Variants in EIF4ENIF1 observed in about 807,000 individuals in gnomAD.
EIF4ENIF1 encodes the protein eukaryotic translation initiation factor 4E nuclear import factor 1.
Under a neutral mutation model 110.5 loss-of-function variants are expected in EIF4ENIF1, and 23 were observed. That is an observed-to-expected ratio of 0.21 (90% CI 0.15 to 0.29). The LOEUF is 0.29. EIF4ENIF1 is among the 10% of genes least tolerant of loss of function. EIF4ENIF1 has a pLI of 1.00. For missense variants in EIF4ENIF1, 1,031 were observed against 1,221.1 expected, an observed-to-expected ratio of 0.84 and a Z score of 2.32; for synonymous variants, 440 against 437.0, an observed-to-expected ratio of 1.01 and a Z score of -0.09.
chr22:31,488,637 G>C lies in EIF4ENIF1; in HGVS notation c.82C>G (p.His28Asp), dbSNP rs1484356631. 6.2e-7 allele frequency: 1 copy of C among 1,613,948 alleles called. No homozygotes were observed. The highest frequency in any genetic ancestry group is 1.7e-5 in the Admixed American group (1 of 59,980). Residue 28 changes from histidine (H) to aspartate (D), a missense_variant, in exon 2 of 19, where the codon CAT becomes GAT. Transcript: ENST00000330125. The stretch of plus-strand genomic sequence containing the variant: ...GCAAACCTTACTTTTGTATAGCGAT[G>C]GGGGCATTTGGAGGCAGGAGGCTTC... Reference protein sequence around the residue: ...LKKPPASKCPHRYTKEELLDI... With the variant: ...LKKPPASKCPDRYTKEELLDI...
At position 31,478,969 on chromosome 22, in the gene EIF4ENIF1, G is replaced by C. The variant is rs1000968202; in HGVS notation, c.97-7052C>G. Among the ~76,000 whole-genome samples the C allele has an allele frequency of 8.2e-4, 109 of 132,250 alleles. 1 individual carries two copies. Among genetic ancestry groups the C allele is most frequent in the South Asian group, 3.1e-3 (13 of 4,130 alleles). 86.8% of individuals were successfully genotyped at this position (132,250 alleles called of 152,430 possible). ...TGTTTCAAAAAAAAAAAAAAAAAAA[G>C]TTTGCTCTCTTTACAACTGTCCACA... On this transcript the variant is annotated intron_variant, in intron 2 of 18. Coordinates refer to ENST00000330125, the MANE Select transcript of EIF4ENIF1 (RefSeq NM_019843.4).
At chr22:31,472,563 CG>C (rs565665910) in intron 2 of EIF4ENIF1, among the ~76,000 whole-genome samples, 8 of 152,008 alleles carry the variant, frequency 5.3e-5, no homozygotes, top group Admixed American at 2.0e-4. Context: ...GCAACCGGGC[CG>C]GGGGGCGATA....
At chr22:31,489,237 T>C (rs956200812) in intron 1 of EIF4ENIF1, 10 of 153,640 alleles carry the variant, frequency 6.5e-5, no homozygotes, top group African/African-American at 2.4e-4. Flanking sequence ...GCCGCACCTG[T>C]GGCCATGTCA....
chr22:31,477,730 CAT>C (rs1367501690), intron 2 of EIF4ENIF1, among the ~76,000 whole-genome samples: 2 of 152,156 alleles, frequency 1.3e-5, no homozygotes, highest in African/African-American at 4.8e-5. Context: ...ATGGCTAAAA[CAT>C]AGCTCACCTG....
chr22:31,445,727 C>T (rs991626859), intron 14 of EIF4ENIF1, among the ~76,000 whole-genome samples: 11 of 151,894 alleles, frequency 7.2e-5, no homozygotes, highest in African/African-American at 2.7e-4. Flanking sequence ...GGGAGACAAA[C>T]AATAAATAAT....
rs1351773774 is a variant in EIF4ENIF1 at position 31,442,011 on chromosome 22, A to T, written c.2314T>A (p.Ser772Thr). ...TCTTTGGTGTAACGGTTGGCCTGGG[A>T]CAGTGGGGTGGAACACGAAGACCTC... ...LQRSSCSTPLSQANRYTKEQD... is the reference protein window; with the variant it reads ...LQRSSCSTPLTQANRYTKEQD... The change falls in exon 17 of 19, where the codon TCC becomes ACC. Residue 772 changes from serine (S) to threonine (T), a missense_variant. Around this residue, in one of 3 missense-constraint regions of EIF4ENIF1, gnomAD observed 309 missense variants for 299.1 expected, o/e 1.03. Transcript: ENST00000330125. 1 of 1,614,166 alleles carries T rather than the reference A, an allele frequency of 6.2e-7. No individual in the cohort carries two copies. Among genetic ancestry groups the T allele is most frequent in the Non-Finnish European group, 8.5e-7 (1 of 1,180,032 alleles).
At chr22:31,442,455 C>G (rs1414168986) in intron 16 of EIF4ENIF1, among the ~76,000 whole-genome samples, 1 of 152,164 alleles carries the variant, frequency 6.6e-6, no homozygotes, top group Non-Finnish European at 1.5e-5. Context: ...CAAGCCTTCT[C>G]AAACACAGGC....
chr22:31,447,613 A>G, intron 13 of EIF4ENIF1, 48 bp from the exon 14 acceptor site: 1 of 1,542,712 alleles, frequency 6.5e-7, no homozygotes. Flanking sequence ...AGGACACCAC[A>G]CTTTCTACAA....
chr22:31,463,581 G>T, intron 5 of EIF4ENIF1, 100 bp downstream of exon 5: 1 of 1,200,846 alleles, frequency 8.3e-7, no homozygotes, highest in Non-Finnish European at 1.1e-6. Context: ...ACTGGGCTGA[G>T]GCAGCAGTGA....
rs1465694206 is a variant in EIF4ENIF1 at position 31,444,420 on chromosome 22, TA to T, written c.2073+185del. ...ATTTTCCCCAATATAGGGGCTTCAT[TA>T]AAATCCTAAGACTTAGACTGTGTCC... On this transcript the variant is annotated intron_variant, in intron 15 of 18. Coordinates refer to ENST00000330125, the MANE Select transcript of EIF4ENIF1 (RefSeq NM_019843.4). The T allele has an allele frequency of 5.1e-6, 3 of 592,944 alleles. No individual in the cohort carries two copies. The African/African-American group carries it at 5.6e-5, about 11-fold the overall frequency. 36.7% of individuals were successfully genotyped at this position (592,944 alleles called of 1,614,324 possible).
upstream of EIF4ENIF1, among the ~76,000 whole-genome samples, chr22:31,491,664 C>T (rs1460809303): frequency 6.6e-6 from 1 of 152,136 alleles, no homozygotes; most frequent in Non-Finnish European, 1.5e-5. Flanking sequence ...CCTCAGCCTC[C>T]CAAATAGCTG....
At chr22:31,471,766 C>CA in intron 3 of EIF4ENIF1, 78 bp downstream of exon 3, 1 of 1,288,378 alleles carries the variant, frequency 7.8e-7, no homozygotes, top group East Asian at 2.4e-5. Flanking sequence ...CAAAACAATA[C>CA]AATTCTTAAT....
intron 7 of EIF4ENIF1, among the ~76,000 whole-genome samples, chr22:31,457,217 T>C (rs1434696714): frequency 2.0e-5 from 3 of 152,208 alleles, no homozygotes; most frequent in African/African-American, 7.2e-5. Context: ...GTTTTCTGTT[T>C]CCAAATCCAA....
Position 31,447,303 on chromosome 22 carries a change from A to G in EIF4ENIF1, c.1988+123T>C, listed in dbSNP as rs1461264635. On this transcript the variant is annotated intron_variant, in intron 14 of 18. Transcript: ENST00000330125. The stretch of plus-strand genomic sequence containing the variant: ...CTTCTATTGATTTGGATTGGGATGG[A>G]ATTTCTACCACATACTGAACATACC... 19 of 1,189,986 alleles carry G rather than the reference A, an allele frequency of 1.6e-5. 1 individual carries two copies. The highest frequency in any genetic ancestry group is 2.9e-4 in the Middle Eastern group (1 of 3,492). 73.7% of individuals were successfully genotyped at this position (1,189,986 alleles called of 1,614,324 possible). A position where few individuals can be genotyped will look rare whatever the true frequency, so the allele number is the denominator to read the frequency against.
At chr22:31,447,004 T>A in intron 14 of EIF4ENIF1, 1 of 469,086 alleles carries the variant, frequency 2.1e-6, no homozygotes, top group Non-Finnish European at 4.4e-6. Context: ...ATAAGAACAT[T>A]GAATCTGTGG....
intron 14 of EIF4ENIF1, among the ~76,000 whole-genome samples, chr22:31,444,899 G>T (rs538928996): frequency 6.6e-6 from 1 of 152,172 alleles, no homozygotes; most frequent in Admixed American, 6.6e-5. Context: ...TCCCAGTCTT[G>T]TAAGAGCTCT....
chr22:31,450,749 T>TAC, intron 10 of EIF4ENIF1: 1 of 263,730 alleles, frequency 3.8e-6, no homozygotes, highest in Non-Finnish European at 7.4e-6. Flanking sequence ...CACTCATATA[T>TAC]ACACACATAC....
chr22:31,479,240 T>C (rs911124788), intron 2 of EIF4ENIF1: 1 of 152,076 alleles, frequency 6.6e-6, no homozygotes, highest in Non-Finnish European at 1.5e-5. Context: ...CTAATGTTTT[T>C]CTTGTATTTT....
Position 31,458,648 on chromosome 22 carries a change from T to C in EIF4ENIF1, c.790A>G (p.Ile264Val). Residue 264 changes from isoleucine to valine, a missense_variant and splice_region_variant, in exon 7 of 19, where the codon ATA (isoleucine) becomes GTA (valine). Physicochemically the swap from Ile to Val is conservative, Grantham distance 29 (BLOSUM62 3). Around this residue, in one of 3 missense-constraint regions of EIF4ENIF1, gnomAD observed 704 missense variants for 879.7 expected, o/e 0.80. Coordinates refer to ENST00000330125, the MANE Select transcript of EIF4ENIF1 (RefSeq NM_019843.4). ...RRRTASVKEG[I>V]VECNGGVAEE... ...GCCACTCCTCCATTGCACTCTACTATACCTGAAAGCAAAACCAGGACAAAA... is the reference window on the plus strand; with the variant it reads ...GCCACTCCTCCATTGCACTCTACTACACCTGAAAGCAAAACCAGGACAAAA... The C allele has an allele frequency of 1.9e-6, 3 of 1,577,926 alleles. No individual in the cohort carries two copies. Among genetic ancestry groups the C allele is most frequent in the Non-Finnish European group, 2.6e-6 (3 of 1,158,756 alleles).
Sources: gnomAD v4.1 joint callset for allele counts (sites outside exome capture counted in the v4.1 genomes callset) on GRCh38, gnomAD v4.1.1 for gene constraint, gnomAD v4.1.1 regional missense constraint, MANE v1.5 for transcripts, NCBI Gene and HGNC (gene_info 2026-07-23, HGNC 2026-07-21) for gene names.